Variants in EYS observed in about 807,000 individuals in gnomAD.
EYS encodes the protein protein eyes shut homolog.
EYS carries 250 observed loss-of-function variants against 282.1 expected under a neutral mutation model. That is an observed-to-expected ratio of 0.89 (90% CI 0.80 to 0.98). The LOEUF is 0.98. Ranked by LOEUF, EYS falls within the 50% of genes least tolerant of loss-of-function variation. The probability of loss-of-function intolerance (pLI) is 0.00; values close to 1 mark genes in which losing one functional copy is unlikely to be tolerated. For missense variants in EYS, 4,016 were observed against 3,709.0 expected, an observed-to-expected ratio of 1.08 and a Z score of -2.15; for synonymous variants, 1,355 against 1,282.9, an observed-to-expected ratio of 1.06 and a Z score of -1.20.
intron 35 of EYS, among the ~76,000 whole-genome samples, chr6:63,961,690 T>G (rs914186916): frequency 1.3e-5 from 2 of 152,012 alleles, no homozygotes; most frequent in African/African-American, 2.4e-5. Flanking sequence ...ACCCCTCAAG[T>G]CTCTTTTATA....
At chr6:64,920,080 T>C (rs1484703210) in intron 15 of EYS, among the ~76,000 whole-genome samples, 2 of 152,154 alleles carry the variant, frequency 1.3e-5, no homozygotes, top group Non-Finnish European at 2.9e-5. Context: ...GTTTCATTTT[T>C]TTTTTTTGTC....
chr6:65,157,522 T>A (rs1764756169), intron 12 of EYS, among the ~76,000 whole-genome samples: 1 of 150,730 alleles, frequency 6.6e-6, no homozygotes, highest in Non-Finnish European at 1.5e-5. Context: ...TAAAAAGATA[T>A]TTGTTGTAAG....
At chr6:63,772,618 A>G (rs1290880103) in intron 40 of EYS, among the ~76,000 whole-genome samples, 1 of 152,152 alleles carries the variant, frequency 6.6e-6, no homozygotes, top group Non-Finnish European at 1.5e-5. Context: ...TGTGTTTTAA[A>G]ATCAATTGAA....
intron 15 of EYS, among the ~76,000 whole-genome samples, chr6:64,914,478 T>G (rs1164991901): frequency 1.3e-5 from 2 of 151,968 alleles, no homozygotes; most frequent in Non-Finnish European, 2.9e-5. Flanking sequence ...ACAGAATATC[T>G]TACTAAAAGG....
chr6:64,038,667 T>G (rs1352853839), intron 33 of EYS, among the ~76,000 whole-genome samples: 1 of 152,012 alleles, frequency 6.6e-6, no homozygotes, highest in African/African-American at 2.4e-5. Flanking sequence ...ATGGGCAATT[T>G]CTTTTTTCCT....
At chr6:65,371,017 A>G (rs1171177932) in intron 8 of EYS, among the ~76,000 whole-genome samples, 3 of 151,808 alleles carry the variant, frequency 2.0e-5, no homozygotes, top group African/African-American at 4.8e-5. Context: ...AAAACACAGA[A>G]AGTGGAGATG....
chr6:65,383,242 C>CT (rs892565295), intron 8 of EYS, among the ~76,000 whole-genome samples: 4 of 151,418 alleles, frequency 2.6e-5, no homozygotes, highest in Non-Finnish European at 4.4e-5. Context: ...TCCCTCTAAT[C>CT]TTTTTTTTAG....
intron 22 of EYS, among the ~76,000 whole-genome samples, chr6:64,766,064 TA>T (rs563936477): frequency 6.6e-6 from 1 of 151,446 alleles, no homozygotes; most frequent in Non-Finnish European, 1.5e-5. Context: ...ATAATATTTG[TA>T]AAAAAAACAT....
At chr6:65,528,520 G>A (rs1451886468) in intron 2 of EYS, among the ~76,000 whole-genome samples, 1 of 152,090 alleles carries the variant, frequency 6.6e-6, no homozygotes, top group East Asian at 1.9e-4. Flanking sequence ...GAGAGGAATG[G>A]GTTCCTTTGT....
In EYS at chr6:63,893,767, C is replaced by T. The variant is rs140354029; in HGVS notation, c.7056-29409G>A. Among the ~76,000 whole-genome samples, 52 of 152,128 alleles carry T rather than the reference C, an allele frequency of 3.4e-4. No homozygotes were observed. In the East Asian group the frequency reaches 9.5e-3, roughly 28 times the overall value. On this transcript the variant is annotated intron_variant, in intron 35 of 42. Coordinates refer to ENST00000503581, the MANE Select transcript of EYS (RefSeq NM_001142800.2). ...CAGTGAAAAAGGGGAGTCATCAGTCCAAGCTTTAAATTTATCTTCAGAGCT... is the reference window on the plus strand; with the variant it reads ...CAGTGAAAAAGGGGAGTCATCAGTCTAAGCTTTAAATTTATCTTCAGAGCT...
At chr6:64,470,877 A>G (rs1776104040) in intron 26 of EYS, among the ~76,000 whole-genome samples, 1 of 152,200 alleles carries the variant, frequency 6.6e-6, no homozygotes. Flanking sequence ...AGAATTTTAG[A>G]AGGAGATGAG....
intron 31 of EYS, among the ~76,000 whole-genome samples, chr6:64,090,325 G>A (rs1348800510): frequency 6.6e-6 from 1 of 152,074 alleles, no homozygotes; most frequent in East Asian, 1.9e-4. Context: ...CATAGATAGA[G>A]CCTGACTTAA....
chr6:63,960,342 T>G (rs1328872205), intron 35 of EYS, among the ~76,000 whole-genome samples: 2 of 152,208 alleles, frequency 1.3e-5, no homozygotes, highest in Non-Finnish European at 2.9e-5. Flanking sequence ...TGCTATTATC[T>G]CATGATCAAA....
intron 14 of EYS, among the ~76,000 whole-genome samples, chr6:64,958,349 T>C (rs1380637556): frequency 1.3e-5 from 2 of 151,988 alleles, no homozygotes; most frequent in Non-Finnish European, 1.5e-5. Context: ...GCCACTGCAC[T>C]CCAGCCTGGG....
At chr6:64,766,479 A>C (rs1244930265) in intron 22 of EYS, among the ~76,000 whole-genome samples, 3 of 148,250 alleles carry the variant, frequency 2.0e-5, no homozygotes, top group Non-Finnish European at 3.0e-5. Context: ...TAATAATACA[A>C]AAATTAGATG....
intron 12 of EYS, among the ~76,000 whole-genome samples, chr6:65,071,603 C>A (rs1047173982): frequency 6.6e-6 from 1 of 151,792 alleles, no homozygotes; most frequent in African/African-American, 2.4e-5. Flanking sequence ...AACAGCAACT[C>A]TAAAATTATT....
At chr6:64,000,163 T>C (rs546969045) in intron 33 of EYS, among the ~76,000 whole-genome samples, 7 of 127,810 alleles carry the variant, frequency 5.5e-5, no homozygotes, top group Admixed American at 1.7e-4. Flanking sequence ...TCCCAAGACA[T>C]GGGACTTTTT....
chr6:64,547,769 G>T (rs915715585), intron 26 of EYS, among the ~76,000 whole-genome samples: 1 of 152,240 alleles, frequency 6.6e-6, no homozygotes, highest in Non-Finnish European at 1.5e-5. Flanking sequence ...GCGCTGTGGA[G>T]CAGGGGGCGG....
intron 12 of EYS, among the ~76,000 whole-genome samples, chr6:65,215,663 A>T (rs1766293890): frequency 6.6e-6 from 1 of 152,248 alleles, no homozygotes; most frequent in Non-Finnish European, 1.5e-5. Flanking sequence ...GTCAAACAGC[A>T]ACACATGCCA....
Sources: gnomAD v4.1 joint callset for allele counts (sites outside exome capture counted in the v4.1 genomes callset) on GRCh38, gnomAD v4.1.1 for gene constraint, MANE v1.5 for transcripts, NCBI Gene and HGNC (gene_info 2026-07-23, HGNC 2026-07-21) for gene names.